The following DRC5 variants were observed in gnomAD, a reference collection of about 807,000 sequenced individuals.
The protein encoded by DRC5 is T-complex-associated testis-expressed protein 1.
chr6:44,290,580 A>C, the DRC5 span, among the ~76,000 whole-genome samples: 1 of 152,030 alleles, frequency 6.6e-6, no homozygotes, highest in Non-Finnish European at 1.5e-5. Flanking sequence ...GGGCTCATAG[A>C]CAGTACGACA....
the DRC5 span, among the ~76,000 whole-genome samples, chr6:44,294,863 G>C: frequency 2.0e-5 from 3 of 151,968 alleles, no homozygotes; most frequent in Admixed American, 6.6e-5. Flanking sequence ...AGTGGGTAAA[G>C]GAGAAGACAG....
the DRC5 span, chr6:44,287,239 T>C: frequency 3.1e-4 from 302 of 985,276 alleles, no homozygotes; most frequent in African/African-American, 5.0e-3. Context: ...TTGGGAAGGC[T>C]TTCTGGAGGA....
the DRC5 span, among the ~76,000 whole-genome samples, chr6:44,295,783 G>GC: frequency 6.6e-6 from 1 of 152,144 alleles, no homozygotes; most frequent in Non-Finnish European, 1.5e-5. Flanking sequence ...TCTCCACGGT[G>GC]CCCCCCACTA....
At chr6:44,285,969 G>A in the DRC5 span, 2 of 1,612,792 alleles carry the variant, frequency 1.2e-6, no homozygotes, top group Non-Finnish European at 8.5e-7. Flanking sequence ...AGTACCTTGA[G>A]GGTGTGGCAT....
the DRC5 span, among the ~76,000 whole-genome samples, chr6:44,281,539 C>T: frequency 1.2e-4 from 18 of 152,288 alleles, no homozygotes; most frequent in South Asian, 3.7e-3. Flanking sequence ...TGCATGCCAC[C>T]ACATTGGGCT....
the DRC5 span, among the ~76,000 whole-genome samples, chr6:44,289,101 G>A: frequency 2.2e-3 from 270 of 120,600 alleles, no homozygotes; most frequent in Non-Finnish European, 2.9e-3. Flanking sequence ...GCAATGGCGC[G>A]ATTTTGGGTC....
chr6:44,295,979 G>A, the DRC5 span, among the ~76,000 whole-genome samples: 1 of 152,218 alleles, frequency 6.6e-6, no homozygotes, highest in East Asian at 1.9e-4. Context: ...TTGTAGTGAA[G>A]ATGCTAGATA....
At chr6:44,289,125 C>T in the DRC5 span, among the ~76,000 whole-genome samples, 2 of 145,258 alleles carry the variant, frequency 1.4e-5, no homozygotes, top group African/African-American at 5.1e-5. Context: ...GCAACCTCCA[C>T]CTCCAGGGTT....
At chr6:44,289,012 A>G in the DRC5 span, among the ~76,000 whole-genome samples, 571 of 144,140 alleles carry the variant, frequency 4.0e-3, 5 homozygotes, top group African/African-American at 0.014. Flanking sequence ...AAAAAAAAAA[A>G]AAAAAAAAAA....
chr6:44,290,710 C>T, the DRC5 span, among the ~76,000 whole-genome samples: 1 of 152,332 alleles, frequency 6.6e-6, no homozygotes, highest in South Asian at 2.1e-4. Context: ...TGGGCCACAC[C>T]CAGGGAGCAG....
chr6:44,288,660 A>T, the DRC5 span, among the ~76,000 whole-genome samples: 1 of 152,200 alleles, frequency 6.6e-6, no homozygotes, highest in East Asian at 1.9e-4. Context: ...CAAGCCACAT[A>T]TGCTATTTTA....
the DRC5 span, among the ~76,000 whole-genome samples, chr6:44,295,220 G>A: frequency 6.6e-6 from 1 of 152,108 alleles, no homozygotes; most frequent in Middle Eastern, 3.2e-3. Context: ...GAGAGGTCAG[G>A]GCCACCAGGA....
At chr6:44,286,372 G>A in the DRC5 span, 1 of 1,614,088 alleles carries the variant, frequency 6.2e-7, no homozygotes, top group East Asian at 2.2e-5. Context: ...TGCCGCCATG[G>A]TGGGCCACGT....
chr6:44,297,301 C>T, the DRC5 span, among the ~76,000 whole-genome samples: 1 of 152,216 alleles, frequency 6.6e-6, no homozygotes, highest in Non-Finnish European at 1.5e-5. Context: ...AAGCCTAGGG[C>T]CCCAGGGCTT....
chr6:44,290,026 C>T, the DRC5 span, among the ~76,000 whole-genome samples: 16 of 152,282 alleles, frequency 1.1e-4, no homozygotes, highest in South Asian at 8.3e-4. Flanking sequence ...GGTTGAGAGG[C>T]GGGTGGCAGG....
chr6:44,294,966 A>AT, the DRC5 span, among the ~76,000 whole-genome samples: 1 of 152,038 alleles, frequency 6.6e-6, no homozygotes, highest in Non-Finnish European at 1.5e-5. Flanking sequence ...AGGTGGCACT[A>AT]TCTTCCCTGG....
the DRC5 span, among the ~76,000 whole-genome samples, chr6:44,286,971 A>G: frequency 1.3e-5 from 2 of 152,232 alleles, no homozygotes; most frequent in African/African-American, 2.4e-5. Flanking sequence ...TAGAAGAGTA[A>G]GCAAACAGGG....
chr6:44,291,405 T>C, the DRC5 span, among the ~76,000 whole-genome samples: 13 of 152,152 alleles, frequency 8.5e-5, no homozygotes, highest in African/African-American at 3.1e-4. Context: ...CAAAGTATAT[T>C]TAAAAGGATA....
the DRC5 span, chr6:44,286,157 C>T: frequency 6.2e-7 from 1 of 1,613,638 alleles, no homozygotes; most frequent in Non-Finnish European, 8.5e-7. Context: ...CTCCATCTCT[C>T]CCTCGCTGCC....
Sources: allele counts gnomAD v4.1 joint callset (sites outside exome capture counted in the v4.1 genomes callset), GRCh38; gene constraint gnomAD v4.1.1; transcripts MANE v1.5; gene names NCBI Gene and HGNC (gene_info 2026-07-23, HGNC 2026-07-21).